The following TMEM178B variants were observed in gnomAD, a reference collection of about 807,000 sequenced individuals.
The protein encoded by TMEM178B is transmembrane protein 178B.
In TMEM178B, 5 loss-of-function variants were observed where a neutral mutation model predicts 31.0. That is an observed-to-expected ratio of 0.16 (90% CI 0.08 to 0.34). The LOEUF (loss-of-function observed/expected upper bound fraction) is 0.34, where lower values mean the gene tolerates loss of function less well. Ranked by LOEUF, TMEM178B falls within the 10% of genes least tolerant of loss-of-function variation. The pLI, the probability that TMEM178B is intolerant of heterozygous loss-of-function variation, is 1.00. For missense variants in TMEM178B, 275 were observed against 400.3 expected, an observed-to-expected ratio of 0.69 and a Z score of 2.67; for synonymous variants, 164 against 164.0, an observed-to-expected ratio of 1.00 and a Z score of 0.00.
At chr7:141,338,315 G>C (rs1313199742) in intron 2 of TMEM178B, among the ~76,000 whole-genome samples, 1 of 152,136 alleles carries the variant, frequency 6.6e-6, no homozygotes, top group Non-Finnish European at 1.5e-5. Context: ...CTGTAGATTA[G>C]TCAATTATGT....
At chr7:141,464,753 C>G (rs1041403177) in intron 3 of TMEM178B, among the ~76,000 whole-genome samples, 2 of 152,170 alleles carry the variant, frequency 1.3e-5, no homozygotes, top group South Asian at 4.1e-4. Context: ...CCTTCCCCAT[C>G]ATCACAGTTA....
chr7:141,096,503 C>A (rs893340988), intron 1 of TMEM178B, among the ~76,000 whole-genome samples: 11 of 152,172 alleles, frequency 7.2e-5, no homozygotes, highest in Non-Finnish European at 1.6e-4. Flanking sequence ...AAAACAGTGA[C>A]CTCCCCTGTG....
chr7:141,452,682 A>G (rs1224792547), intron 3 of TMEM178B, among the ~76,000 whole-genome samples: 1 of 152,186 alleles, frequency 6.6e-6, no homozygotes, highest in Non-Finnish European at 1.5e-5. Flanking sequence ...TAAAATTGAC[A>G]TAGTGCTGCT....
chr7:141,137,580 G>C (rs1031224525), intron 1 of TMEM178B, among the ~76,000 whole-genome samples: 2 of 152,228 alleles, frequency 1.3e-5, no homozygotes, highest in African/African-American at 4.8e-5. Flanking sequence ...GGCATGAAGA[G>C]AGGCTGGCTA....
At chr7:141,142,984 C>G (rs1795798762) in intron 1 of TMEM178B, among the ~76,000 whole-genome samples, 1 of 152,164 alleles carries the variant, frequency 6.6e-6, no homozygotes, top group Non-Finnish European at 1.5e-5. Context: ...TTATGTGGAG[C>G]ATTTTTTCAT....
intron 2 of TMEM178B, among the ~76,000 whole-genome samples, chr7:141,226,621 G>C (rs1255229468): frequency 6.6e-6 from 1 of 152,128 alleles, no homozygotes; most frequent in Non-Finnish European, 1.5e-5. Flanking sequence ...GGGAGGCTAA[G>C]GCAGGTGGAT....
intron 2 of TMEM178B, among the ~76,000 whole-genome samples, chr7:141,248,180 G>A (rs903231286): frequency 3.9e-5 from 6 of 152,122 alleles, no homozygotes; most frequent in Non-Finnish European, 8.8e-5. Flanking sequence ...GGAGGCTGAG[G>A]TGGGCAGATA....
intron 2 of TMEM178B, among the ~76,000 whole-genome samples, chr7:141,261,006 C>A (rs1407986180): frequency 6.6e-6 from 1 of 152,080 alleles, no homozygotes; most frequent in Non-Finnish European, 1.5e-5. Flanking sequence ...CTTAAAAAGA[C>A]CATTTTGTAA....
At chr7:141,433,944 T>A (rs1801485510) in intron 2 of TMEM178B, among the ~76,000 whole-genome samples, 1 of 152,210 alleles carries the variant, frequency 6.6e-6, no homozygotes, top group South Asian at 2.1e-4. Context: ...ATCAACAGCT[T>A]AGCACAACCC....
chr7:141,269,653 C>T (rs1296125178), intron 2 of TMEM178B, among the ~76,000 whole-genome samples: 2 of 152,112 alleles, frequency 1.3e-5, no homozygotes, highest in Non-Finnish European at 2.9e-5. Flanking sequence ...CATTTATCAA[C>T]AGTATGAAAT....
At chr7:141,394,800 A>G (rs1286110614) in intron 2 of TMEM178B, among the ~76,000 whole-genome samples, 1 of 152,240 alleles carries the variant, frequency 6.6e-6, no homozygotes, top group Non-Finnish European at 1.5e-5. Flanking sequence ...TAGAGGAATG[A>G]CATAAACAGT....
intron 1 of TMEM178B, among the ~76,000 whole-genome samples, chr7:141,085,150 A>ATT (rs61516388): frequency 3.1e-4 from 23 of 74,504 alleles, no homozygotes; most frequent in South Asian, 1.1e-3. Flanking sequence ...GCTAATTTGT[A>ATT]TTTTTTTTTT....
intron 1 of TMEM178B, among the ~76,000 whole-genome samples, chr7:141,183,851 G>A (rs536918383): frequency 4.6e-5 from 7 of 152,204 alleles, no homozygotes; most frequent in African/African-American, 9.6e-5. Flanking sequence ...GTTTATCCAC[G>A]TGCTGGTTCA....
intron 2 of TMEM178B, among the ~76,000 whole-genome samples, chr7:141,333,414 A>G (rs956752424): frequency 6.6e-6 from 1 of 152,180 alleles, no homozygotes; most frequent in Admixed American, 6.5e-5. Flanking sequence ...CTCCCACACA[A>G]TCATTAGCAA....
intron 1 of TMEM178B, among the ~76,000 whole-genome samples, chr7:141,089,994 A>T (rs942356649): frequency 1.3e-5 from 2 of 151,956 alleles, no homozygotes; most frequent in Admixed American, 6.6e-5. Flanking sequence ...TGTACCCTAG[A>T]ACTTAAAGTA....
intron 2 of TMEM178B, among the ~76,000 whole-genome samples, chr7:141,434,201 C>T (rs1466996322): frequency 3.3e-5 from 5 of 152,220 alleles, no homozygotes; most frequent in Non-Finnish European, 7.3e-5. Context: ...GCCCAGCCCA[C>T]TTTCCCATCC....
chr7:141,107,052 A>G (rs1052983591), intron 1 of TMEM178B, among the ~76,000 whole-genome samples: 3 of 152,220 alleles, frequency 2.0e-5, no homozygotes, highest in Non-Finnish European at 4.4e-5. Flanking sequence ...GCTCACTAAG[A>G]AGATGACATT....
chr7:141,272,793 A>G (rs559610104), intron 2 of TMEM178B, among the ~76,000 whole-genome samples: 1 of 152,358 alleles, frequency 6.6e-6, no homozygotes, highest in African/African-American at 2.4e-5. Flanking sequence ...ATTTTCAGCC[A>G]TTGTGGAGAA....
intron 2 of TMEM178B, among the ~76,000 whole-genome samples, chr7:141,299,502 C>T (rs1798688770): frequency 6.6e-6 from 1 of 152,206 alleles, no homozygotes; most frequent in African/African-American, 2.4e-5. Context: ...CATAGCCTTC[C>T]CTCAGGGCCT....
Sources: gnomAD v4.1 joint callset for allele counts (sites outside exome capture counted in the v4.1 genomes callset) on GRCh38, gnomAD v4.1.1 for gene constraint, MANE v1.5 for transcripts, NCBI Gene and HGNC (gene_info 2026-07-23, HGNC 2026-07-21) for gene names.